Variants in NPAS1 observed in about 807,000 individuals in gnomAD.
NPAS1 encodes the protein neuronal PAS domain protein 1.
A neutral mutation model predicts 49.2 loss-of-function variants in NPAS1; 29 were observed. That is an observed-to-expected ratio of 0.59 (90% CI 0.44 to 0.80). The LOEUF is 0.80. NPAS1 is among the 30% of genes least tolerant of loss of function. The pLI, the probability that NPAS1 is intolerant of heterozygous loss-of-function variation, is 0.00. For synonymous variants in NPAS1, 408 were observed against 380.4 expected (o/e 1.07, Z -0.84); for missense variants, 825 against 835.5 (o/e 0.99, Z 0.15).
At chr19:47,039,280 T>TGG (rs142360956) in intron 7 of NPAS1, 127 bp from the exon 8 acceptor site, 3 of 1,477,064 alleles carry the variant, frequency 2.0e-6, no homozygotes, top group South Asian at 1.3e-5. Flanking sequence ...GGAATGGGAC[T>TGG]GGGGGGGTCA....
At chr19:47,038,813 G>A (rs755996594) in intron 6 of NPAS1, among the ~76,000 whole-genome samples, 1 of 151,844 alleles carries the variant, frequency 6.6e-6, no homozygotes, top group Non-Finnish European at 1.5e-5. Flanking sequence ...ACAACAGAGT[G>A]ATATTCAGTC....
intron 4 of NPAS1, 57 bp from the exon 5 acceptor site, chr19:47,032,586 C>A (rs2056914743): frequency 1.3e-6 from 2 of 1,508,118 alleles, no homozygotes; most frequent in South Asian, 1.1e-5. Context: ...CACTTGGCGG[C>A]TGGACAGAGG....
In NPAS1 at chr19:47,039,565, G is replaced by A; in HGVS notation, c.962+1G>A. The A allele has an allele frequency of 1.3e-6, 2 of 1,561,170 alleles. No homozygotes were observed. Among genetic ancestry groups the A allele is most frequent in the Non-Finnish European group, 1.7e-6 (2 of 1,150,222 alleles). ...TCACCATCCTTGCTTGTGAGAGCAG[G>A]TACCGGGGTTGGGGGCTGTGGCGGG... is the stretch of plus-strand genomic sequence containing the variant. On this transcript the variant is annotated splice_donor_variant, in intron 8 of 11. Transcript: ENST00000602212. LOFTEE classifies it high-confidence loss of function.
intron 1 of NPAS1, among the ~76,000 whole-genome samples, chr19:47,020,312 C>T (rs1350194577): frequency 2.0e-5 from 3 of 151,912 alleles, no homozygotes; most frequent in Non-Finnish European, 4.4e-5. Flanking sequence ...GACCAGGACA[C>T]CTGGGCCCCG....
chr19:47,035,259 A>AT (rs1174649435), intron 5 of NPAS1: 3 of 152,284 alleles, frequency 2.0e-5, no homozygotes, highest in African/African-American at 7.2e-5. Context: ...GTGGGGGAGG[A>AT]TTTAATGAGG....
intron 10 of NPAS1, among the ~76,000 whole-genome samples, chr19:47,041,957 G>A (rs1328754580): frequency 6.3e-5 from 9 of 143,732 alleles, no homozygotes; most frequent in African/African-American, 2.4e-4. Flanking sequence ...TCCAGCCTGG[G>A]CGACAGAGTG....
intron 3 of NPAS1, among the ~76,000 whole-genome samples, chr19:47,028,460 G>A (rs2056887636): frequency 6.6e-6 from 1 of 152,054 alleles, no homozygotes. Context: ...GGGTTTCGCC[G>A]CCTGGTGTTT....
intron 6 of NPAS1, 50 bp from the exon 7 acceptor site, chr19:47,038,986 G>A: frequency 6.5e-7 from 1 of 1,532,864 alleles, no homozygotes; most frequent in South Asian, 1.1e-5. Context: ...AGGGTGGCCT[G>A]TGTGTTTCCT....
At position 47,022,674 on chromosome 19, in the gene NPAS1, G is replaced by C. The variant is rs12611413; in HGVS notation, c.358+827G>C. Among the ~76,000 whole-genome samples, 14 of 152,342 alleles carry C rather than the reference G, an allele frequency of 9.2e-5. No individual in the cohort carries two copies. The East Asian group carries it at 2.7e-3, about 29-fold the overall frequency. On this transcript the variant is annotated intron_variant, in intron 3 of 11. Coordinates refer to ENST00000602212, the MANE Select transcript of NPAS1 (RefSeq NM_002517.4). ...TGTCTGGCACTTTTCTGAGCGCTGGGATTGAGCAGGAGAAACAATCTAGAC... is the reference window on the plus strand; with the variant it reads ...TGTCTGGCACTTTTCTGAGCGCTGGCATTGAGCAGGAGAAACAATCTAGAC...
At chr19:47,042,931 C>A in intron 11 of NPAS1, 27 bp downstream of exon 11, 2 of 1,515,724 alleles carry the variant, frequency 1.3e-6, no homozygotes, top group East Asian at 2.5e-5. Context: ...ACCTTGGCCC[C>A]TGGGAAGCTC....
rs753270222 is a variant in NPAS1, at chr19:47,045,280, G to A, written c.1402G>A (p.Gly468Ser). 44 of 1,613,888 alleles carry A rather than the reference G, an allele frequency of 2.7e-5. No individual in the cohort carries two copies. Among genetic ancestry groups the A allele is most frequent in the East Asian group, 4.5e-5 (2 of 44,868 alleles). Residue 468 changes from glycine to serine, a missense_variant, in exon 12 of 12, where the codon GGC becomes AGC. By Grantham distance (56) the Gly-to-Ser change is moderately conservative (BLOSUM62 0). Coordinates refer to ENST00000602212, the MANE Select transcript of NPAS1 (RefSeq NM_002517.4). ...GGGCAAACGCATCAAAGTGGAGCCC[G>A]GCCCGAGGGAAACCAAAGGCTCCGA... The part of the protein sequence containing the change: ...TQGKRIKVEP[G>S]PRETKGSEDS...
chr19:47,045,564 C>T lies in NPAS1; in HGVS notation c.1686C>T (p.Gly562=). ...VYPHLQRLGP[G]PALPEAFYPP... ...CGCACCTGCAGAGGCTGGGTCCGGGCCCCGCGCTCCCGGAGGCCTTTTACC... is the reference window on the plus strand; with the variant it reads ...CGCACCTGCAGAGGCTGGGTCCGGGTCCCGCGCTCCCGGAGGCCTTTTACC... The change falls in exon 12 of 12, where the codon GGC becomes GGT. Residue 562 remains glycine (G), a synonymous_variant. Coordinates refer to ENST00000602212, the MANE Select transcript of NPAS1 (RefSeq NM_002517.4). The T allele has an allele frequency of 6.7e-7, 1 of 1,500,702 alleles. No homozygotes were observed. 93.0% of individuals were successfully genotyped at this position (1,500,702 alleles called of 1,614,324 possible). A position where few individuals can be genotyped will look rare whatever the true frequency, so the allele number is the denominator to read the frequency against.
intron 5 of NPAS1, 156 bp from the exon 6 acceptor site, chr19:47,035,808 G>A (rs763311325): frequency 1.4e-6 from 1 of 704,396 alleles, no homozygotes. Flanking sequence ...CCGTTTGAAA[G>A]GTAATTGTTT....
At chr19:47,027,893 G>T (rs1227704628) in intron 3 of NPAS1, among the ~76,000 whole-genome samples, 1 of 152,202 alleles carries the variant, frequency 6.6e-6, no homozygotes, top group Non-Finnish European at 1.5e-5. Flanking sequence ...TGAATGTGGG[G>T]GACAGAGGAG....
chr19:47,033,582 G>C (rs1018886628), intron 5 of NPAS1, among the ~76,000 whole-genome samples: 1 of 152,124 alleles, frequency 6.6e-6, no homozygotes, highest in Non-Finnish European at 1.5e-5. Flanking sequence ...GAGGAAAGCA[G>C]GTTCACTGAA....
chr19:47,039,800 C>T (rs962645953), intron 8 of NPAS1, among the ~76,000 whole-genome samples: 1 of 151,288 alleles, frequency 6.6e-6, no homozygotes, highest in Admixed American at 6.6e-5. Flanking sequence ...GTCTTGGGTC[C>T]GGGCCCTCCT....
At chr19:47,039,299 CCA>C in intron 7 of NPAS1, 106 bp from the exon 8 acceptor site, 1 of 1,508,816 alleles carries the variant, frequency 6.6e-7, no homozygotes, top group Non-Finnish European at 9.0e-7. Context: ...CACACAGTGT[CCA>C]GTCCTCCAGC....
rs545194106 is a variant in NPAS1, at chr19:47,042,949, C to G, written c.1312+45C>G. On this transcript the variant is annotated intron_variant, in intron 11 of 11. Coordinates refer to ENST00000602212, the MANE Select transcript of NPAS1 (RefSeq NM_002517.4). ...TTGGCCCCTGGGAAGCTCCAAGGAACCTTTGGGTCCTGGCTGTCCATTCCA... is the reference window on the plus strand; with the variant it reads ...TTGGCCCCTGGGAAGCTCCAAGGAAGCTTTGGGTCCTGGCTGTCCATTCCA... 8 of 1,423,766 alleles carry G rather than the reference C, an allele frequency of 5.6e-6. No individual in the cohort carries two copies. In the South Asian group the frequency reaches 9.6e-5, roughly 17 times the overall value. The allele number at this position is 1,423,766 out of a possible 1,614,324, so 88.2% of individuals were successfully genotyped here.
intron 5 of NPAS1, among the ~76,000 whole-genome samples, chr19:47,035,594 T>C (rs1036650939): frequency 6.6e-6 from 1 of 152,226 alleles, no homozygotes; most frequent in African/African-American, 2.4e-5. Flanking sequence ...ATCTCATTCC[T>C]GCTGGGACAC....
Sources: gnomAD v4.1 joint callset for allele counts (sites outside exome capture counted in the v4.1 genomes callset) on GRCh38, gnomAD v4.1.1 for gene constraint, MANE v1.5 for transcripts, NCBI Gene and HGNC (gene_info 2026-07-23, HGNC 2026-07-21) for gene names.